The following RBPMS variants were observed in gnomAD, a reference collection of about 807,000 sequenced individuals.
RBPMS encodes the protein RNA binding protein, mRNA processing factor.
RBPMS carries 7 observed loss-of-function variants against 26.8 expected under a neutral mutation model. The ratio of observed to expected loss-of-function variants is 0.26; its 90% confidence interval spans 0.15 to 0.49. The LOEUF (loss-of-function observed/expected upper bound fraction) is 0.49, where lower values mean the gene tolerates loss of function less well. Ranked by LOEUF, RBPMS falls within the 20% of genes least tolerant of loss-of-function variation. The probability of loss-of-function intolerance (pLI) is 0.98; values close to 1 mark genes in which losing one functional copy is unlikely to be tolerated. For synonymous variants in RBPMS, 96 were observed against 93.3 expected, an observed-to-expected ratio of 1.03 and a Z score of -0.17; for missense variants, 186 against 250.0, an observed-to-expected ratio of 0.74 and a Z score of 1.73.
At chr8:30,446,824 TGTGTGTGTGTGTGTGTGTGCGC>T (rs1354924151) in intron 1 of RBPMS, 6 of 98,110 alleles carry the variant, frequency 6.1e-5, no homozygotes, top group African/African-American at 1.6e-4. Flanking sequence ...TGTGTGTGTG[TGTGTGTGTGTGTGTGTGTGCGC>T]GCGCGCGCGC....
At chr8:30,511,621 A>G (rs1210379208) in intron 5 of RBPMS, among the ~76,000 whole-genome samples, 1 of 149,530 alleles carries the variant, frequency 6.7e-6, no homozygotes, top group Non-Finnish European at 1.5e-5. Flanking sequence ...ATATTTGTAT[A>G]TATATGTGTG....
intron 1 of RBPMS, among the ~76,000 whole-genome samples, chr8:30,409,128 T>C (rs1422379831): frequency 1.3e-5 from 2 of 152,212 alleles, no homozygotes; most frequent in Admixed American, 6.5e-5. Flanking sequence ...GCTTTTTACA[T>C]GTCAGTCTGT....
At chr8:30,517,071 T>C (rs1046284086) in intron 5 of RBPMS, among the ~76,000 whole-genome samples, 7 of 152,196 alleles carry the variant, frequency 4.6e-5, no homozygotes, top group Non-Finnish European at 1.0e-4. Flanking sequence ...TATACAGATA[T>C]ACACATAGAT....
chr8:30,463,118 C>G (rs747198015), intron 1 of RBPMS, among the ~76,000 whole-genome samples: 33 of 152,238 alleles, frequency 2.2e-4, no homozygotes, highest in Non-Finnish European at 4.3e-4. Flanking sequence ...GAAAATGCAT[C>G]TTTTTTGTGA....
At position 30,410,876 on chromosome 8, in the gene RBPMS, C is replaced by T. The variant is rs755354187; in HGVS notation, c.66+25718C>T. Among the ~76,000 whole-genome samples the T allele has an allele frequency of 3.9e-5, 6 of 152,014 alleles. No individual in the cohort carries two copies. The South Asian group carries it at 1.2e-3, about 32-fold the overall frequency. On this transcript the variant is annotated intron_variant, in intron 1 of 8. Transcript: ENST00000397323. ...CCAGCCTCCTGGAAAGCCAGGACTG[C>T]ACGTGCACACAGCCATGCCAGGCTA...
At chr8:30,529,485 A>G (rs13255388) in intron 5 of RBPMS, among the ~76,000 whole-genome samples, 12,396 of 152,048 alleles carry the variant, frequency 0.082, 692 homozygotes, top group Non-Finnish European at 0.12. Flanking sequence ...CTGAGCAACA[A>G]GAGCAAAACT....
rs572921695 is a variant in RBPMS, at chr8:30,410,230, G to A, written c.66+25072G>A. Reference sequence around the variant, plus strand: ...TTTTATTTATTATTTTTTTTGAGACGGAGTCTCGCTCTGTTGCCCAGGCTG... The same window carrying A: ...TTTTATTTATTATTTTTTTTGAGACAGAGTCTCGCTCTGTTGCCCAGGCTG... On this transcript the variant is annotated intron_variant, in intron 1 of 8. Transcript: ENST00000397323. 7.7e-4 allele frequency among the ~76,000 whole-genome samples: 112 copies of A among 145,204 alleles called. No individual in the cohort carries two copies. In the Middle Eastern group the frequency reaches 0.015, roughly 20 times the overall value.
At chr8:30,563,182 G>A (rs1827637198) in intron 7 of RBPMS, among the ~76,000 whole-genome samples, 2 of 152,232 alleles carry the variant, frequency 1.3e-5, no homozygotes, top group African/African-American at 2.4e-5. Flanking sequence ...TCAGGAGAGG[G>A]GGGGTCAGAA....
chr8:30,551,890 T>C (rs575842167), intron 6 of RBPMS, among the ~76,000 whole-genome samples: 1 of 152,320 alleles, frequency 6.6e-6, no homozygotes, highest in South Asian at 2.1e-4. Flanking sequence ...AGAATGAACA[T>C]CTCCATGGGT....
intron 1 of RBPMS, among the ~76,000 whole-genome samples, chr8:30,464,398 A>G (rs1563343713): frequency 1.3e-5 from 2 of 152,186 alleles, no homozygotes; most frequent in Non-Finnish European, 1.5e-5. Flanking sequence ...TCTGATAACT[A>G]AATATTGGGA....
chr8:30,459,626 T>C (rs575107480), intron 1 of RBPMS, among the ~76,000 whole-genome samples: 3 of 152,194 alleles, frequency 2.0e-5, no homozygotes, highest in Non-Finnish European at 4.4e-5. Flanking sequence ...TCAACCCTTG[T>C]ACACTTTCAT....
At chr8:30,502,663 C>T (rs1820685408) in intron 4 of RBPMS, among the ~76,000 whole-genome samples, 1 of 152,094 alleles carries the variant, frequency 6.6e-6, no homozygotes, top group South Asian at 2.1e-4. Flanking sequence ...TGCTTGCCTC[C>T]CAGCAGAGAC....
intron 5 of RBPMS, among the ~76,000 whole-genome samples, chr8:30,537,169 G>C (rs962479430): frequency 5.3e-5 from 8 of 152,262 alleles, no homozygotes; most frequent in African/African-American, 1.9e-4. Flanking sequence ...TCATGCTCAG[G>C]GTTCCCTTCA....
intron 1 of RBPMS, among the ~76,000 whole-genome samples, chr8:30,389,508 G>A (rs1406539728): frequency 6.6e-6 from 1 of 152,204 alleles, no homozygotes; most frequent in Admixed American, 6.5e-5. Context: ...CAGAGCAGTG[G>A]TGATGTAAAT....
At chr8:30,446,172 ATGATTTT>A (rs2150726831) in intron 1 of RBPMS, among the ~76,000 whole-genome samples, 1 of 152,322 alleles carries the variant, frequency 6.6e-6, no homozygotes, top group South Asian at 2.1e-4. Context: ...AACTTTAAAG[ATGATTTT>A]ATCGTTTTAT....
intron 5 of RBPMS, among the ~76,000 whole-genome samples, chr8:30,543,323 G>A (rs1825577568): frequency 6.6e-6 from 1 of 152,162 alleles, no homozygotes; most frequent in African/African-American, 2.4e-5. Flanking sequence ...GTTTTCTGTT[G>A]CTAGCCCCCT....
chr8:30,384,954 GGCTCCA>G lies in RBPMS; in HGVS notation c.-130_-125del. On this transcript the variant is annotated 5_prime_UTR_variant, in exon 1 of 9. Transcript: ENST00000397323. The surrounding 1 kb of genome is among the most constrained non-coding windows in gnomAD (Gnocchi z 5.6). Reference sequence around the variant, plus strand: ...ACCCGAGCCCGACAGCCACTGCCCCGGCTCCAGCTCCAGCCCCACAGCCCGCGGCGC... The same window carrying G: ...ACCCGAGCCCGACAGCCACTGCCCCGGCTCCAGCCCCACAGCCCGCGGCGC... 1 of 499,674 alleles carries G rather than the reference GGCTCCA, an allele frequency of 2.0e-6. No individual in the cohort carries two copies. Among genetic ancestry groups the G allele is most frequent in the Non-Finnish European group, 3.2e-6 (1 of 310,406 alleles). The allele number at this position is 499,674 out of a possible 1,614,324, so 31.0% of individuals were successfully genotyped here.
At chr8:30,437,184 G>A (rs1208068238) in intron 1 of RBPMS, among the ~76,000 whole-genome samples, 1 of 151,662 alleles carries the variant, frequency 6.6e-6, no homozygotes, top group Non-Finnish European at 1.5e-5. Flanking sequence ...GCCTCCCAAA[G>A]TGCTGGGATT....
intron 4 of RBPMS, among the ~76,000 whole-genome samples, chr8:30,487,075 G>A (rs16877081): frequency 0.02 from 3,070 of 152,170 alleles, 95 homozygotes; most frequent in African/African-American, 0.063. Context: ...ATGAAGTGCC[G>A]AGTGAGTTTT....
Sources: allele counts gnomAD v4.1 joint callset (sites outside exome capture counted in the v4.1 genomes callset), GRCh38; gene constraint gnomAD v4.1.1; non-coding constraint Gnocchi (gnomAD v3.1); transcripts MANE v1.5; gene names NCBI Gene and HGNC (gene_info 2026-07-23, HGNC 2026-07-21).